BCL9: variants seen among roughly 807,000 people sequenced by gnomAD.
The protein encoded by BCL9 is BCL9 transcription coactivator, also known as B-cell CLL/lymphoma 9 protein.
BCL9 carries 25 observed loss-of-function variants against 88.5 expected under a neutral mutation model. The ratio of observed to expected loss-of-function variants is 0.28; its 90% CI spans 0.21 to 0.39. The LOEUF is 0.39. BCL9 is among the 10% of genes least tolerant of loss of function. BCL9 has a pLI of 1.00. For synonymous variants in BCL9, 711 were observed against 673.3 expected (o/e 1.06, Z -0.87); for missense variants, 1,817 against 1,877.8 (o/e 0.97, Z 0.60).
Position 147,613,045 on chromosome 1 carries a change from C to T in BCL9, c.216C>T (p.Thr72=). ...GTGACTCCAAGAGTGGGGGCCATAC[C>T]CCTAAAGCACTCCCTGGCCCAGGTG... ...SPCDSKSGGH[T]PKALPGPGGS... is the part of the protein sequence containing the mutation. The change falls in exon 5 of 10, where the codon ACC becomes ACT. Residue 72 remains threonine, a synonymous_variant. Coordinates refer to ENST00000234739, the MANE Select transcript of BCL9 (RefSeq NM_004326.4). The T allele has an allele frequency of 1.2e-6, 2 of 1,611,602 alleles. No individual in the cohort carries two copies. Among genetic ancestry groups the T allele is most frequent in the Non-Finnish European group, 1.7e-6 (2 of 1,178,522 alleles).
Position 147,625,429 on chromosome 1 carries a change from A to G in BCL9, c.*470A>G, listed in dbSNP as rs1658893010. 1 of 229,532 alleles carries G rather than the reference A, an allele frequency of 4.4e-6. No individual in the cohort carries two copies. Among genetic ancestry groups the G allele is most frequent in the Non-Finnish European group, 8.6e-6 (1 of 115,636 alleles). The allele number at this position is 229,532 out of a possible 1,614,324, so 14.2% of individuals were successfully genotyped here. A position where few individuals can be genotyped will look rare whatever the true frequency, so the allele number is the denominator to read the frequency against. ...ACTTTAGTCTTTGGGGCAAGAGGAG[A>G]ACAGGAATGCTGGGCTGTTTACTTT... is the stretch of plus-strand genomic sequence containing the variant. On this transcript the variant is annotated 3_prime_UTR_variant, in exon 10 of 10. Transcript: ENST00000234739.
intron 6 of BCL9, 31 bp from the exon 7 acceptor site, chr1:147,615,772 C>A (rs185232974): frequency 2.6e-6 from 4 of 1,561,684 alleles, no homozygotes; most frequent in East Asian, 4.5e-5. Context: ...GAAACAAGTT[C>A]TAGTGTGTGC....
chr1:147,601,518 T>C (rs1321444739), intron 1 of BCL9, among the ~76,000 whole-genome samples: 2 of 152,156 alleles, frequency 1.3e-5, no homozygotes, highest in African/African-American at 4.8e-5. Context: ...TAACAGACAG[T>C]AAGGATAAAT....
chr1:147,607,259 G>A (rs1401351435), intron 3 of BCL9, among the ~76,000 whole-genome samples: 15 of 152,050 alleles, frequency 9.9e-5, no homozygotes, highest in Non-Finnish European at 1.9e-4. Flanking sequence ...AGTTGATCCC[G>A]TCTTAGTTAC....
At chr1:147,622,126 T>C (rs1557863565) in intron 8 of BCL9, 145 bp from the exon 9 acceptor site, 1 of 1,167,562 alleles carries the variant, frequency 8.6e-7, no homozygotes, top group South Asian at 1.5e-5. Context: ...GACTAGAAGA[T>C]TGATGATTTG....
chr1:147,612,494 C>G (rs1284513688), intron 4 of BCL9, among the ~76,000 whole-genome samples: 2 of 152,192 alleles, frequency 1.3e-5, no homozygotes, highest in Non-Finnish European at 2.9e-5. Flanking sequence ...TCTCCTACAG[C>G]TGTTCCTTGT....
At position 147,622,318 on chromosome 1, in the gene BCL9, C is replaced by T. The variant is rs1308940090; in HGVS notation, c.2950C>T (p.Pro984Ser). 6.2e-7 allele frequency: 1 copy of T among 1,614,172 alleles called. No individual in the cohort carries two copies. The highest frequency in any genetic ancestry group is 1.3e-5 in the African/African-American group (1 of 75,034). The change falls in exon 9 of 10, where the codon CCT (proline) becomes TCT (serine). Residue 984 changes from proline (P) to serine (S), a missense_variant. This residue lies in a region of BCL9 where 589 missense variants were observed against 686.2 expected (regional missense o/e 0.86). Coordinates refer to ENST00000234739, the MANE Select transcript of BCL9 (RefSeq NM_004326.4). ...CAGCCAGCCTGCCTCTGTGAATATC[C>T]CTGGAAGTCTTCCCTCTAGTACACC... ...TASQPASVNI[P>S]GSLPSSTPYT... is the part of the protein sequence containing the mutation.
intron 1 of BCL9, among the ~76,000 whole-genome samples, chr1:147,565,076 T>G (rs782786650): frequency 6.6e-5 from 10 of 152,150 alleles, no homozygotes; most frequent in African/African-American, 9.7e-5. Context: ...TGTTGTTGAT[T>G]CTCTTGAATT....
chr1:147,619,208 A>G lies in BCL9; in HGVS notation c.1053A>G (p.Leu351=), dbSNP rs1553204433. The part of the protein sequence containing the change: ...PPTLGENPDG[L]SQEQLEHRER... The stretch of plus-strand genomic sequence containing the variant: ...CACTGGGAGAGAATCCCGATGGCCT[A>G]TCTCAGGAGCAGCTGGAGCACCGGG... The change falls in exon 8 of 10, where the codon CTA becomes CTG. Residue 351 remains leucine, a synonymous_variant. Coordinates refer to ENST00000234739, the MANE Select transcript of BCL9 (RefSeq NM_004326.4). This position sits in a 1 kb window ranked among gnomAD's most constrained non-coding sequence, Gnocchi z 4.1. The G allele has an allele frequency of 6.2e-7, 1 of 1,614,138 alleles. No individual in the cohort carries two copies. Among genetic ancestry groups the G allele is most frequent in the Non-Finnish European group, 8.5e-7 (1 of 1,180,006 alleles).
intron 2 of BCL9, among the ~76,000 whole-genome samples, chr1:147,605,165 A>G (rs892047234): frequency 2.0e-5 from 3 of 152,194 alleles, no homozygotes; most frequent in Non-Finnish European, 4.4e-5. Context: ...GAGAAGTTAA[A>G]CAGGTATTTA....
At position 147,624,366 on chromosome 1, in the gene BCL9, G is replaced by A. The variant is rs587726690; in HGVS notation, c.3688G>A (p.Gly1230Arg). 1.8e-5 allele frequency: 29 copies of A among 1,614,190 alleles called. No individual in the cohort carries two copies. In the Admixed American group the frequency reaches 2.3e-4, roughly 13 times the overall value. Residue 1230 changes from glycine (G) to arginine (R), a missense_variant, in exon 10 of 10, where the codon GGA becomes AGA. Transcript: ENST00000234739. The surrounding 1 kb of genome is among the most constrained non-coding windows in gnomAD (Gnocchi z 4.4). ...LQEVIRPGAT[G>R]IPEFDLSRII... Reference sequence around the variant, plus strand: ...GGAGGTCATCCGACCTGGAGCCACCGGAATACCTGAGTTTGATCTATCCCG... The same window carrying A: ...GGAGGTCATCCGACCTGGAGCCACCAGAATACCTGAGTTTGATCTATCCCG...
chr1:147,620,023 A>C lies in BCL9; in HGVS notation c.1868A>C (p.Asn623Thr). 2 of 1,614,028 alleles carry C rather than the reference A, an allele frequency of 1.2e-6. No homozygotes were observed. The highest frequency in any genetic ancestry group is 1.7e-6 in the Non-Finnish European group (2 of 1,179,992). The change falls in exon 8 of 10, where the codon AAC (asparagine) becomes ACC (threonine). Residue 623 changes from asparagine to threonine, a missense_variant. Coordinates refer to ENST00000234739, the MANE Select transcript of BCL9 (RefSeq NM_004326.4). ...CCTGGCCGAGGGGAACGCTTCCCAA[A>C]CCCCCAAGGATTGTCTGAAGAGATG... ...SGPGRGERFPNPQGLSEEMFQ... is the reference protein window; with the variant it reads ...SGPGRGERFPTPQGLSEEMFQ...
chr1:147,582,663 T>C (rs1159259541), intron 1 of BCL9, among the ~76,000 whole-genome samples: 1 of 152,200 alleles, frequency 6.6e-6, no homozygotes, highest in African/African-American at 2.4e-5. Flanking sequence ...GCATCACATG[T>C]GAAAATTATA....
At chr1:147,545,966 C>A (rs1654554197) in intron 1 of BCL9, among the ~76,000 whole-genome samples, 1 of 152,128 alleles carries the variant, frequency 6.6e-6, no homozygotes. Context: ...GCCATCTCTG[C>A]AAGAGATGAG....
chr1:147,610,035 T>C (rs934591184), intron 3 of BCL9, among the ~76,000 whole-genome samples: 18 of 152,208 alleles, frequency 1.2e-4, no homozygotes, highest in African/African-American at 4.3e-4. Context: ...AGGTAAATGT[T>C]TTCTGATGGC....
intron 1 of BCL9, among the ~76,000 whole-genome samples, chr1:147,574,232 TC>T (rs1219667128): frequency 6.6e-6 from 1 of 152,166 alleles, no homozygotes; most frequent in Non-Finnish European, 1.5e-5. Context: ...CAAAAGGCAC[TC>T]TGGACAAGGC....
intron 5 of BCL9, 68 bp downstream of exon 5, chr1:147,613,267 G>A (rs35669952): frequency 0.15 from 228,960 of 1,539,338 alleles, 19,401 homozygotes; most frequent in East Asian, 0.33. Flanking sequence ...TCTGACATTC[G>A]ACAGAGGCCA....
intron 1 of BCL9, among the ~76,000 whole-genome samples, chr1:147,560,418 C>A (rs892087349): frequency 5.3e-5 from 8 of 151,590 alleles, no homozygotes; most frequent in Non-Finnish European, 2.9e-5. Flanking sequence ...GGTGAAACCC[C>A]CTCTCTACTA....
At chr1:147,572,497 C>G (rs1403412800) in intron 1 of BCL9, among the ~76,000 whole-genome samples, 3 of 152,154 alleles carry the variant, frequency 2.0e-5, no homozygotes, top group African/African-American at 7.2e-5. Context: ...AGCTTTTGAC[C>G]TGAGCTGACC....
Sources: allele counts gnomAD v4.1 joint callset (sites outside exome capture counted in the v4.1 genomes callset), GRCh38; gene constraint gnomAD v4.1.1; regional missense constraint gnomAD v4.1.1; non-coding constraint Gnocchi (gnomAD v3.1); transcripts MANE v1.5; gene names NCBI Gene and HGNC (gene_info 2026-07-23, HGNC 2026-07-21).